The following MYOM2 variants were observed in gnomAD, a reference collection of about 807,000 sequenced individuals.
MYOM2 encodes myomesin-2.
MYOM2 carries 254 observed loss-of-function variants against 187.6 expected under a neutral mutation model. The ratio of observed to expected loss-of-function variants is 1.35; its 90% CI spans 1.22 to 1.50. The LOEUF (loss-of-function observed/expected upper bound fraction) is 1.50, where lower values mean the gene tolerates loss of function less well. Among genes scored for constraint, MYOM2 ranks in the 40% most tolerant of loss-of-function variants. The pLI, the probability that MYOM2 is intolerant of heterozygous loss-of-function variation, is 0.00. For missense variants in MYOM2, 2,796 were observed against 1,924.0 expected (o/e 1.45, Z -8.48); for synonymous variants, 981 against 753.8 (o/e 1.30, Z -4.94).
At chr8:2,077,844 C>G (rs778405498) in intron 11 of MYOM2, among the ~76,000 whole-genome samples, 3 of 152,324 alleles carry the variant, frequency 2.0e-5, no homozygotes, top group Middle Eastern at 3.4e-3. Flanking sequence ...TTTGGGCTTA[C>G]GACTTGCCAG....
At chr8:2,141,228 C>A in intron 34 of MYOM2, 51 bp downstream of exon 34, 1 of 1,546,550 alleles carries the variant, frequency 6.5e-7, no homozygotes, top group Non-Finnish European at 8.9e-7. Flanking sequence ...AGTTGAGTCC[C>A]AGTCGTTTTG....
chr8:2,109,193 C>T, intron 24 of MYOM2: 1 of 582,158 alleles, frequency 1.7e-6, no homozygotes, highest in Non-Finnish European at 2.9e-6. Context: ...TAACTGAGAA[C>T]TCATGTGGCA....
At chr8:2,091,531 G>C (rs1451384567) in intron 15 of MYOM2, among the ~76,000 whole-genome samples, 1 of 152,202 alleles carries the variant, frequency 6.6e-6, no homozygotes, top group Non-Finnish European at 1.5e-5. Flanking sequence ...TTGGTGTCAG[G>C]AACGCGGTTC....
At chr8:2,071,490 G>T (rs6986903) in intron 8 of MYOM2, among the ~76,000 whole-genome samples, 4,102 of 152,184 alleles carry the variant, frequency 0.027, 201 homozygotes, top group African/African-American at 0.095. Context: ...AAACTCTACG[G>T]ATGCAAATAC....
In MYOM2 at chr8:2,106,718, G is replaced by T. The variant is rs1461699353; in HGVS notation, c.2998+121G>T. ...GACGTATGTTTGCAGGAGGCTGGCG[G>T]TGGGGGCTATGTATATAAGCCAAAA... On this transcript the variant is annotated intron_variant, in intron 23 of 36. Coordinates refer to ENST00000262113, the MANE Select transcript of MYOM2 (RefSeq NM_003970.4). The T allele has an allele frequency of 4.2e-6, 3 of 717,004 alleles. No homozygotes were observed. In the East Asian group the frequency reaches 8.2e-5, roughly 20 times the overall value. 44.4% of individuals were successfully genotyped at this position (717,004 alleles called of 1,614,324 possible).
At chr8:2,142,429 T>A (rs1483052218) in intron 35 of MYOM2, 32 bp downstream of exon 35, 1 of 1,611,692 alleles carries the variant, frequency 6.2e-7, no homozygotes, top group Non-Finnish European at 8.5e-7. Flanking sequence ...ACCAGGATGG[T>A]GAATTATTTG....
chr8:2,130,387 G>C (rs778812410), intron 32 of MYOM2, among the ~76,000 whole-genome samples: 1 of 119,408 alleles, frequency 8.4e-6, no homozygotes. Flanking sequence ...TATACCCAGG[G>C]TGCCCACACC....
intron 25 of MYOM2, among the ~76,000 whole-genome samples, chr8:2,110,629 T>C (rs1797038555): frequency 6.6e-6 from 1 of 152,054 alleles, no homozygotes; most frequent in South Asian, 2.1e-4. Context: ...GTGTAGAGTG[T>C]GGTTGGCAAC....
chr8:2,092,088 A>T (rs903972515), intron 15 of MYOM2, among the ~76,000 whole-genome samples: 8 of 151,906 alleles, frequency 5.3e-5, no homozygotes, highest in Admixed American at 5.2e-4. Flanking sequence ...GGGAGACAGG[A>T]GGATTCAGGA....
At position 2,092,356 on chromosome 8, in the gene MYOM2, T is replaced by G; in HGVS notation, c.1839T>G (p.Ser613=). Residue 613 remains serine, a synonymous_variant, in exon 16 of 37, where the codon TCT becomes TCG. Transcript: ENST00000262113. ...GTCTCCTACGAAAAGTTGTCCCTTC[T>G]GCTCCGGGTCGGGTTCTTGCTTCCC... ...IQAQDVTVVP[S]APGRVLASRN... is the part of the protein sequence containing the mutation. 1.2e-6 allele frequency: 2 copies of G among 1,614,084 alleles called. No individual in the cohort carries two copies. Among genetic ancestry groups the G allele is most frequent in the Non-Finnish European group, 1.7e-6 (2 of 1,179,980 alleles).
intron 18 of MYOM2, chr8:2,097,079 G>C: frequency 1.0e-6 from 1 of 975,190 alleles, no homozygotes; most frequent in Non-Finnish European, 1.2e-6. Flanking sequence ...CGTCCGGACT[G>C]TGGGGAGCCA....
intron 13 of MYOM2, among the ~76,000 whole-genome samples, chr8:2,080,248 G>A (rs567557655): frequency 1.3e-5 from 2 of 152,346 alleles, no homozygotes; most frequent in African/African-American, 4.8e-5. Context: ...TCAAATCAGT[G>A]TGGAGCCACT....
chr8:2,086,082 C>T lies in MYOM2; in HGVS notation c.1644+692C>T, dbSNP rs1215259923. On this transcript the variant is annotated intron_variant, in intron 14 of 36. Coordinates refer to ENST00000262113, the MANE Select transcript of MYOM2 (RefSeq NM_003970.4). ...TGATCTCTTTGTGGCCCCCTACTGTCGTGATCTCTGCGTGGCCCCCCACTG... is the reference window on the plus strand; with the variant it reads ...TGATCTCTTTGTGGCCCCCTACTGTTGTGATCTCTGCGTGGCCCCCCACTG... Among the ~76,000 whole-genome samples the T allele has an allele frequency of 8.6e-3, 17 of 1,976 alleles. 6 individuals are homozygous for T. The highest frequency in any genetic ancestry group is 0.011 in the Non-Finnish European group (14 of 1,294). 1.3% of individuals were successfully genotyped at this position (1,976 alleles called of 152,430 possible).
At chr8:2,137,324 G>A (rs902682739) in intron 32 of MYOM2, among the ~76,000 whole-genome samples, 5 of 151,888 alleles carry the variant, frequency 3.3e-5, no homozygotes, top group African/African-American at 4.8e-5. Context: ...GCGACAGCAC[G>A]AACAGAGCAT....
chr8:2,046,264 C>T (rs969234386), intron 1 of MYOM2, among the ~76,000 whole-genome samples: 5 of 152,208 alleles, frequency 3.3e-5, no homozygotes, highest in Admixed American at 6.5e-5. Flanking sequence ...GGGCTCCACA[C>T]GTTGTTTGCA....
At chr8:2,064,100 A>G (rs1174842287) in intron 6 of MYOM2, among the ~76,000 whole-genome samples, 2 of 152,214 alleles carry the variant, frequency 1.3e-5, no homozygotes, top group African/African-American at 4.8e-5. Context: ...AAGTGGACAC[A>G]GGCTAAGCTG....
intron 24 of MYOM2, chr8:2,109,186 C>G: frequency 1.8e-6 from 1 of 565,196 alleles, no homozygotes; most frequent in Non-Finnish European, 3.0e-6. Flanking sequence ...GCAAAGCTAA[C>G]TGAGAACTCA....
chr8:2,116,715 AT>A (rs988191812), intron 27 of MYOM2, among the ~76,000 whole-genome samples: 3 of 152,182 alleles, frequency 2.0e-5, no homozygotes, highest in African/African-American at 7.2e-5. Context: ...AGGAAAATGG[AT>A]ACACTTTAGA....
chr8:2,106,330 C>G lies in MYOM2; in HGVS notation c.2823C>G (p.Phe941Leu), dbSNP rs540171187. ...DCQEMTDASQFTWCKSYEEIS... is the reference protein window; with the variant it reads ...DCQEMTDASQLTWCKSYEEIS... ...AGGAAATGACAGACGCGTCTCAGTT[C>G]ACCTGGTGTAAATCCTACGAGGAGA... The change falls in exon 22 of 37, where the codon TTC (phenylalanine) becomes TTG (leucine). Residue 941 changes from phenylalanine (F) to leucine (L), a missense_variant. Transcript: ENST00000262113. 1.9e-6 allele frequency: 3 copies of G among 1,614,180 alleles called. No individual in the cohort carries two copies. In the South Asian group the frequency reaches 3.3e-5, roughly 18 times the overall value.
Sources: gnomAD v4.1 joint callset for allele counts (sites outside exome capture counted in the v4.1 genomes callset) on GRCh38, gnomAD v4.1.1 for gene constraint, MANE v1.5 for transcripts, NCBI Gene and HGNC (gene_info 2026-07-23, HGNC 2026-07-21) for gene names.